KCNT2: variants seen among roughly 807,000 people sequenced by gnomAD.
KCNT2 encodes the protein potassium sodium-activated channel subfamily T member 2.
A neutral mutation model predicts 153.8 loss-of-function variants in KCNT2; 67 were observed. That is an observed-to-expected ratio of 0.44 (90% CI 0.36 to 0.53). The LOEUF (loss-of-function observed/expected upper bound fraction) is 0.53, where lower values mean the gene tolerates loss of function less well. KCNT2 is among the 20% of genes least tolerant of loss of function. KCNT2 has a pLI of 0.00. For synonymous variants in KCNT2, 500 were observed against 458.8 expected, an observed-to-expected ratio of 1.09 and a Z score of -1.15; for missense variants, 975 against 1,354.8, an observed-to-expected ratio of 0.72 and a Z score of 4.40.
intron 13 of KCNT2, among the ~76,000 whole-genome samples, chr1:196,378,812 A>G (rs1015853278): frequency 6.8e-6 from 1 of 147,216 alleles, no homozygotes; most frequent in Non-Finnish European, 1.5e-5. Context: ...TGTATATATA[A>G]TTATATATAT....
intron 1 of KCNT2, among the ~76,000 whole-genome samples, chr1:196,517,115 C>A (rs929938590): frequency 2.0e-5 from 3 of 152,136 alleles, no homozygotes; most frequent in Admixed American, 6.5e-5. Context: ...TCCACGGCAA[C>A]CAGAGGCTGG....
At chr1:196,376,235 C>A (rs1668958175) in intron 13 of KCNT2, among the ~76,000 whole-genome samples, 1 of 151,712 alleles carries the variant, frequency 6.6e-6, no homozygotes, top group Non-Finnish European at 1.5e-5. Flanking sequence ...CTAATACATC[C>A]ATAATTCTTA....
chr1:196,591,384 T>C (rs936271432), intron 1 of KCNT2, among the ~76,000 whole-genome samples: 1 of 152,230 alleles, frequency 6.6e-6, no homozygotes, highest in East Asian at 1.9e-4. Flanking sequence ...AATCTCTTTA[T>C]AAATCACCCA....
intron 21 of KCNT2, among the ~76,000 whole-genome samples, chr1:196,311,308 A>G (rs1662155443): frequency 6.6e-6 from 1 of 151,764 alleles, no homozygotes; most frequent in South Asian, 2.1e-4. Flanking sequence ...CAATCCTGAC[A>G]CTTACTAGAT....
intron 8 of KCNT2, among the ~76,000 whole-genome samples, chr1:196,441,400 C>A (rs1675211295): frequency 6.8e-6 from 1 of 146,472 alleles, no homozygotes; most frequent in Admixed American, 7.1e-5. Flanking sequence ...GAATAGCTAT[C>A]TTAATTTATA....
intron 1 of KCNT2, among the ~76,000 whole-genome samples, chr1:196,597,795 T>C (rs1323025826): frequency 2.0e-5 from 3 of 152,210 alleles, no homozygotes; most frequent in Non-Finnish European, 4.4e-5. Flanking sequence ...GTTTACTCTA[T>C]GCTATTGCAT....
intron 22 of KCNT2, among the ~76,000 whole-genome samples, chr1:196,301,295 C>A (rs1488068513): frequency 1.3e-5 from 2 of 152,146 alleles, no homozygotes; most frequent in African/African-American, 4.8e-5. Flanking sequence ...AAGTATATAA[C>A]CATGTGTACC....
At chr1:196,541,009 T>C (rs762794680) in intron 1 of KCNT2, among the ~76,000 whole-genome samples, 148 of 152,008 alleles carry the variant, frequency 9.7e-4, no homozygotes, top group Non-Finnish European at 1.6e-3. Context: ...GAGGTTGCAG[T>C]GAGCCGAGAT....
intron 17 of KCNT2, among the ~76,000 whole-genome samples, chr1:196,331,644 T>A (rs1664474722): frequency 6.6e-6 from 1 of 152,070 alleles, no homozygotes; most frequent in Admixed American, 6.6e-5. Flanking sequence ...AGTTAGTAGT[T>A]GCAACAGGGG....
At chr1:196,547,027 G>T (rs1296567447) in intron 1 of KCNT2, among the ~76,000 whole-genome samples, 1 of 151,902 alleles carries the variant, frequency 6.6e-6, no homozygotes, top group Non-Finnish European at 1.5e-5. Flanking sequence ...TTATCTACAG[G>T]ATTATGCAAC....
At chr1:196,390,778 C>T (rs1670413369) in intron 13 of KCNT2, among the ~76,000 whole-genome samples, 1 of 150,902 alleles carries the variant, frequency 6.6e-6, no homozygotes, top group African/African-American at 2.4e-5. Context: ...TGTATGTGCA[C>T]AATATGAAGT....
intron 9 of KCNT2, among the ~76,000 whole-genome samples, 191 bp from the exon 10 acceptor site, chr1:196,428,460 G>A (rs1222330124): frequency 6.6e-6 from 1 of 151,942 alleles, no homozygotes; most frequent in Non-Finnish European, 1.5e-5. Flanking sequence ...GTCTCCCAGG[G>A]GCTTCGGGTC....
intron 1 of KCNT2, among the ~76,000 whole-genome samples, chr1:196,592,731 A>T (rs1203442210): frequency 6.8e-6 from 1 of 147,054 alleles, no homozygotes. Flanking sequence ...ATATATACAT[A>T]TATATATATA....
In KCNT2 at chr1:196,586,310, A is replaced by T. The variant is rs1008759510; in HGVS notation, c.95+21905T>A. ...TAATATGCATATAATTAGCAGATTA[A>T]TCAAGCCCTTCACTTCTTTTCTTGC... On this transcript the variant is annotated intron_variant, in intron 1 of 27. Coordinates refer to ENST00000294725, the MANE Select transcript of KCNT2 (RefSeq NM_198503.5). Among the ~76,000 whole-genome samples the T allele has an allele frequency of 2.6e-5, 4 of 152,262 alleles. No homozygotes were observed. The East Asian group carries it at 5.8e-4, about 22-fold the overall frequency.
At chr1:196,524,484 T>C (rs2148830413) in intron 1 of KCNT2, among the ~76,000 whole-genome samples, 1 of 152,302 alleles carries the variant, frequency 6.6e-6, no homozygotes, top group African/African-American at 2.4e-5. Context: ...TAAATAATTA[T>C]CACTAATGCC....
At chr1:196,455,044 C>T (rs1676539462) in intron 8 of KCNT2, among the ~76,000 whole-genome samples, 1 of 151,946 alleles carries the variant, frequency 6.6e-6, no homozygotes, top group African/African-American at 2.4e-5. Context: ...TCTTGCATTC[C>T]CTGGCATGTG....
chr1:196,555,660 A>G (rs910051002), intron 1 of KCNT2, among the ~76,000 whole-genome samples: 3 of 151,090 alleles, frequency 2.0e-5, no homozygotes, highest in African/African-American at 7.3e-5. Flanking sequence ...TATAAAATTT[A>G]TATGGAATCA....
intron 12 of KCNT2, among the ~76,000 whole-genome samples, chr1:196,412,083 A>T (rs1672386515): frequency 6.6e-6 from 1 of 151,794 alleles, no homozygotes; most frequent in Admixed American, 6.6e-5. Context: ...GATGTGTTCT[A>T]TAAATAATGA....
At position 196,468,037 on chromosome 1, in the gene KCNT2, T is replaced by C. The variant is rs548788203; in HGVS notation, c.460-251A>G. Among the ~76,000 whole-genome samples the C allele has an allele frequency of 5.4e-4, 82 of 152,280 alleles. 1 individual carries two copies. Among genetic ancestry groups the C allele is most frequent in the African/African-American group, 1.9e-3 (79 of 41,592 alleles). On this transcript the variant is annotated intron_variant, in intron 6 of 27. Transcript: ENST00000294725. ...ATAATCTTTCACCAGATGGCAGATA[T>C]CTATGCTAATTATATCATTGAATCT...
Sources: allele counts gnomAD v4.1 joint callset (sites outside exome capture counted in the v4.1 genomes callset), GRCh38; gene constraint gnomAD v4.1.1; transcripts MANE v1.5; gene names NCBI Gene and HGNC (gene_info 2026-07-23, HGNC 2026-07-21).